Variants in IL7 observed in about 807,000 individuals in gnomAD.
IL7 encodes interleukin 7.
Under a neutral mutation model 21.6 loss-of-function variants are expected in IL7, and 3 were observed. That is an observed-to-expected ratio of 0.14 (90% confidence interval 0.06 to 0.36). The LOEUF is 0.36. IL7 is among the 10% of genes least tolerant of loss of function. IL7 has a pLI of 1.00. For synonymous variants in IL7, 62 were observed against 68.1 expected (o/e 0.91, Z 0.44); for missense variants, 175 against 200.2 (o/e 0.87, Z 0.76).
chr8:78,802,413 T>C (rs1485033836), intron 1 of IL7, among the ~76,000 whole-genome samples: 1 of 151,736 alleles, frequency 6.6e-6, no homozygotes, highest in African/African-American at 2.4e-5. Context: ...GTAGGAAAAT[T>C]CCTTTCGTAT....
intron 2 of IL7, chr8:78,762,395 T>C (rs1812597822): frequency 1.2e-6 from 2 of 1,611,708 alleles, no homozygotes; most frequent in Non-Finnish European, 1.7e-6. Context: ...TGCGTGCTCT[T>C]CCGCGTGCAG....
intron 2 of IL7, among the ~76,000 whole-genome samples, chr8:78,768,706 TC>T (rs1344091637): frequency 6.6e-6 from 1 of 152,046 alleles, no homozygotes; most frequent in East Asian, 1.9e-4. Flanking sequence ...GAAAATTTTC[TC>T]CCATTTTGTA....
At chr8:78,782,975 G>A (rs1440860445) in intron 2 of IL7, among the ~76,000 whole-genome samples, 1 of 152,178 alleles carries the variant, frequency 6.6e-6, no homozygotes, top group Non-Finnish European at 1.5e-5. Flanking sequence ...ATCTGCCACA[G>A]CTGCTGTGTT....
chr8:78,801,908 G>T (rs902276145), intron 1 of IL7, among the ~76,000 whole-genome samples: 1 of 152,166 alleles, frequency 6.6e-6, no homozygotes, highest in Non-Finnish European at 1.5e-5. Flanking sequence ...CACATAGAGA[G>T]TAACATATTA....
intron 2 of IL7, among the ~76,000 whole-genome samples, chr8:78,769,098 G>T (rs1405448385): frequency 6.6e-6 from 1 of 151,988 alleles, no homozygotes. Context: ...GCAAAAACTG[G>T]AAGCATTCCC....
intron 2 of IL7, among the ~76,000 whole-genome samples, chr8:78,791,958 T>C (rs1189003820): frequency 6.6e-6 from 1 of 152,054 alleles, no homozygotes; most frequent in Non-Finnish European, 1.5e-5. Flanking sequence ...AGTCAATCCA[T>C]AAAATAAATA....
intron 2 of IL7, among the ~76,000 whole-genome samples, chr8:78,773,927 G>A (rs1264747849): frequency 6.6e-6 from 1 of 151,988 alleles, no homozygotes; most frequent in Non-Finnish European, 1.5e-5. Flanking sequence ...ATGCAACTGG[G>A]GTAAATCTAG....
At chr8:78,699,827 C>G (rs1314892103) in intron 3 of IL7, among the ~76,000 whole-genome samples, 2 of 152,102 alleles carry the variant, frequency 1.3e-5, no homozygotes, top group African/African-American at 4.8e-5. Context: ...GCATAGTATT[C>G]CATGGTGTTT....
chr8:78,800,119 T>C (rs147963531), intron 1 of IL7, among the ~76,000 whole-genome samples: 7 of 152,290 alleles, frequency 4.6e-5, no homozygotes, highest in African/African-American at 1.4e-4. Context: ...TATTCCACCC[T>C]GTATGTCCAT....
downstream of IL7, among the ~76,000 whole-genome samples, chr8:78,715,507 C>G (rs924471198): frequency 2.0e-5 from 3 of 152,188 alleles, no homozygotes; most frequent in African/African-American, 4.8e-5. Flanking sequence ...TGAAAACCTT[C>G]TGTAAAGGAT....
intron 4 of IL7, among the ~76,000 whole-genome samples, chr8:78,737,264 G>A (rs1357780509): frequency 6.6e-6 from 1 of 151,990 alleles, no homozygotes; most frequent in East Asian, 1.9e-4. Context: ...CAAGAGTGGA[G>A]GCTTATAATC....
chr8:78,739,615 C>A (rs1811710560), intron 3 of IL7, among the ~76,000 whole-genome samples: 1 of 151,578 alleles, frequency 6.6e-6, no homozygotes. Context: ...TCGCTTGAAA[C>A]CAGGAGGCGG....
chr8:78,778,744 T>C (rs1251893068), intron 2 of IL7, among the ~76,000 whole-genome samples: 1 of 152,190 alleles, frequency 6.6e-6, no homozygotes, highest in Non-Finnish European at 1.5e-5. Flanking sequence ...TCTGGGTCCA[T>C]ATGAATTTTA....
intron 3 of IL7, among the ~76,000 whole-genome samples, chr8:78,707,263 A>T (rs1316623349): frequency 6.6e-6 from 1 of 152,218 alleles, no homozygotes; most frequent in African/African-American, 2.4e-5. Flanking sequence ...TAGTACTGGC[A>T]ATTTTATCAG....
At chr8:78,716,467 A>G (rs192947824), downstream of IL7, among the ~76,000 whole-genome samples, 221 of 152,238 alleles carry the variant, frequency 1.5e-3, no homozygotes, top group African/African-American at 5.0e-3. Context: ...CTGTGAGTGC[A>G]TGCATAAGAG....
At chr8:78,766,989 A>G (rs1351665384) in intron 2 of IL7, among the ~76,000 whole-genome samples, 5 of 152,134 alleles carry the variant, frequency 3.3e-5, no homozygotes, top group African/African-American at 1.2e-4. Context: ...GTAAAAAATT[A>G]TGCCTCATTA....
At chr8:78,706,384 C>T (rs1460945532) in intron 3 of IL7, among the ~76,000 whole-genome samples, 1 of 152,142 alleles carries the variant, frequency 6.6e-6, no homozygotes, top group African/African-American at 2.4e-5. Context: ...TGGGTCTTTG[C>T]CTGTGCCGGA....
intron 2 of IL7, among the ~76,000 whole-genome samples, chr8:78,787,974 C>T (rs996164985): frequency 7.9e-5 from 12 of 152,134 alleles, no homozygotes; most frequent in Non-Finnish European, 1.3e-4. Context: ...ATGACTTTCT[C>T]CTAGATTTTG....
intron 2 of IL7, among the ~76,000 whole-genome samples, chr8:78,742,802 T>C (rs566870907): frequency 2.6e-5 from 4 of 152,200 alleles, no homozygotes; most frequent in Non-Finnish European, 5.9e-5. Flanking sequence ...GTCATGGGTT[T>C]TTTTTGTATA....
Sources: gnomAD v4.1 joint callset for allele counts (sites outside exome capture counted in the v4.1 genomes callset) on GRCh38, gnomAD v4.1.1 for gene constraint, MANE v1.5 for transcripts, NCBI Gene and HGNC (gene_info 2026-07-23, HGNC 2026-07-21) for gene names.